TTLL10: variants seen among roughly 807,000 people sequenced by gnomAD.
TTLL10 encodes inactive polyglycylase TTLL10.
TTLL10 carries 61 observed loss-of-function variants against 69.0 expected under a neutral mutation model. The ratio of observed to expected loss-of-function variants is 0.88; its 90% CI spans 0.72 to 1.09. The LOEUF (loss-of-function observed/expected upper bound fraction) is 1.09. Among genes scored for constraint, TTLL10 ranks in the 50% least tolerant of loss-of-function variants. The pLI is 0.00. For missense variants in TTLL10, 962 were observed against 945.9 expected (o/e 1.02, Z -0.22); for synonymous variants, 408 against 393.3 (o/e 1.04, Z -0.44).
In TTLL10 at chr1:1,180,478, C is replaced by T. The variant is rs762255994; in HGVS notation, c.507-5C>T. On this transcript the variant is annotated splice_region_variant and splice_polypyrimidine_tract_variant and intron_variant, in intron 6 of 15. Transcript: ENST00000379289. The stretch of plus-strand genomic sequence containing the variant: ...CCAGGTCACCCCCGCCCCCACCCCT[C>T]GCAGCATCAGCTCCTACTGCAAAAG... 6 of 1,548,956 alleles carry T rather than the reference C, an allele frequency of 3.9e-6. No homozygotes were observed. Among genetic ancestry groups the T allele is most frequent in the Middle Eastern group, 2.0e-4 (1 of 5,104 alleles).
At chr1:1,188,635 C>T (rs185401470) in intron 13 of TTLL10, among the ~76,000 whole-genome samples, 21 of 152,238 alleles carry the variant, frequency 1.4e-4, no homozygotes, top group African/African-American at 4.8e-4. Context: ...GAACTCCTGA[C>T]CTCAGGCGAT....
At position 1,179,471 on chromosome 1, in the gene TTLL10, C is replaced by T. The variant is rs1050025785; in HGVS notation, c.118+138C>T. 16 of 1,251,650 alleles carry T rather than the reference C, an allele frequency of 1.3e-5. 1 individual carries two copies. Among genetic ancestry groups the T allele is most frequent in the South Asian group, 6.9e-5 (5 of 72,852 alleles). The allele number at this position is 1,251,650 out of a possible 1,614,324, so 77.5% of individuals were successfully genotyped here. A position where few individuals can be genotyped will look rare whatever the true frequency, so the allele number is the denominator to read the frequency against. On this transcript the variant is annotated intron_variant, in intron 4 of 15. Transcript: ENST00000379289. ...CACACATGGCCATGCCCCGCTGCTC[C>T]GAGAGAGGGGCCAGCTGTGGGCGCC...
Position 1,180,332 on chromosome 1 carries a change from G to C in TTLL10, c.498G>C (p.Gly166=). Reference sequence around the variant, plus strand: ...TCTTCTACATTGGAGGCAGCAACGGGGCCACAATGTGAGTAGCGGCCCTGG... The same window carrying C: ...TCTTCTACATTGGAGGCAGCAACGGCGCCACAATGTGAGTAGCGGCCCTGG... ...GPFFYIGGSN[G]ATIISSYCKS... is the part of the protein sequence containing the mutation. Residue 166 remains glycine, a synonymous_variant, in exon 6 of 16, where the codon GGG becomes GGC. Transcript: ENST00000379289. The C allele has an allele frequency of 6.4e-7, 1 of 1,572,114 alleles. No individual in the cohort carries two copies. The highest frequency in any genetic ancestry group is 8.6e-7 in the Non-Finnish European group (1 of 1,159,254).
At chr1:1,196,441 AC>A (rs750951959) in intron 13 of TTLL10, 158 bp from the exon 14 acceptor site, 2 of 620,228 alleles carry the variant, frequency 3.2e-6, no homozygotes, top group Non-Finnish European at 3.0e-6. Flanking sequence ...CTGGCTGTGA[AC>A]CTGTGAGGCT....
At chr1:1,195,873 C>T (rs1305394012) in intron 13 of TTLL10, among the ~76,000 whole-genome samples, 1 of 152,168 alleles carries the variant, frequency 6.6e-6, no homozygotes, top group African/African-American at 2.4e-5. Flanking sequence ...GACTCCTGAG[C>T]TCAAGCGATC....
rs777450285 is a variant in TTLL10, at chr1:1,179,690, C to T, written c.152C>T (p.Pro51Leu). The stretch of plus-strand genomic sequence containing the variant: ...CCTGCGTCACGTCTGCACCCAGCAC[C>T]GGCCTCACAGCCCGGCCCCTGCCCT... ...TIPASRLHPA[P>L]ASQPGPCPAP... The change falls in exon 5 of 16, where the codon CCG becomes CTG. Residue 51 changes from proline (P) to leucine (L), a missense_variant. Physicochemically the swap from Pro to Leu is moderately conservative, Grantham distance 98. Coordinates refer to ENST00000379289, the MANE Select transcript of TTLL10 (RefSeq NM_001130045.2). 2.6e-5 allele frequency: 41 copies of T among 1,550,816 alleles called. No individual in the cohort carries two copies. Among genetic ancestry groups the T allele is most frequent in the Non-Finnish European group, 3.4e-5 (39 of 1,146,838 alleles).
Position 1,197,335 on chromosome 1 carries a change from C to T in TTLL10, c.1613-103C>T. On this transcript the variant is annotated intron_variant, in intron 15 of 15. Transcript: ENST00000379289. ...CAGCGCCGCCCCCTGCCCCAACCTT[C>T]CCCACACCTCAGCTCACCTGGGTCC... The T allele has an allele frequency of 4.1e-6, 5 of 1,227,940 alleles. No individual in the cohort carries two copies. In the South Asian group the frequency reaches 7.1e-5, roughly 18 times the overall value. The allele number at this position is 1,227,940 out of a possible 1,614,324, so 76.1% of individuals were successfully genotyped here.
chr1:1,182,509 G>T, intron 10 of TTLL10, 63 bp downstream of exon 10: 1 of 1,553,880 alleles, frequency 6.4e-7, no homozygotes, highest in South Asian at 1.1e-5. Flanking sequence ...GCTGGACCAA[G>T]GCGGGGGCTG....
In TTLL10 at chr1:1,180,343, G is replaced by A. The variant is rs1171600365; in HGVS notation, c.506+3G>A. On this transcript the variant is annotated splice_donor_region_variant and intron_variant, in intron 6 of 15. Coordinates refer to ENST00000379289, the MANE Select transcript of TTLL10 (RefSeq NM_001130045.2). ...GGAGGCAGCAACGGGGCCACAATGT[G>A]AGTAGCGGCCCTGGGCGCCCGTGGT... 2 of 1,561,976 alleles carry A rather than the reference G, an allele frequency of 1.3e-6. No homozygotes were observed. Among genetic ancestry groups the A allele is most frequent in the South Asian group, 1.2e-5 (1 of 84,914 alleles).
At chr1:1,179,475 A>G (rs1322400282) in intron 4 of TTLL10, 142 bp downstream of exon 4, 6 of 1,260,274 alleles carry the variant, frequency 4.8e-6, no homozygotes, top group South Asian at 2.8e-5. Flanking sequence ...CTGCTCCGAG[A>G]GAGGGGCCAG....
intron 1 of TTLL10, 119 bp from the exon 2 acceptor site, chr1:1,174,166 G>A (rs1646814221): frequency 6.6e-6 from 1 of 152,336 alleles, no homozygotes; most frequent in African/African-American, 2.4e-5. Context: ...GTACCCGGTG[G>A]GGTGGGAGGG....
chr1:1,178,867 C>T (rs183112567), intron 3 of TTLL10, among the ~76,000 whole-genome samples: 157 of 152,308 alleles, frequency 1.0e-3, no homozygotes, highest in African/African-American at 3.3e-3. Flanking sequence ...TTCAGGCAGG[C>T]GCCCCACCCA....
chr1:1,197,267 C>A, intron 15 of TTLL10, 81 bp downstream of exon 15: 1 of 1,391,018 alleles, frequency 7.2e-7, no homozygotes, highest in South Asian at 1.2e-5. Context: ...CAAGTTCAGA[C>A]CCCCACAGAT....
At chr1:1,182,244 G>A (rs905246666) in intron 9 of TTLL10, 117 bp from the exon 10 acceptor site, 6 of 861,884 alleles carry the variant, frequency 7.0e-6, no homozygotes, top group Middle Eastern at 2.2e-4. Context: ...ACGGCCGCGG[G>A]CGCCAGGTGC....
chr1:1,183,180 C>T (rs113531911), intron 11 of TTLL10, 133 bp downstream of exon 11: 24,365 of 1,134,718 alleles, frequency 0.021, 347 homozygotes, highest in Non-Finnish European at 0.024. Context: ...GTGCAGACCA[C>T]AGCCGGGCCC....
rs923585636 is a variant in TTLL10, at chr1:1,181,968, G to A, written c.830+153G>A. 2.0e-5 allele frequency among the ~76,000 whole-genome samples: 3 copies of A among 151,778 alleles called. No homozygotes were observed. The highest frequency in any genetic ancestry group is 1.9e-4 in the East Asian group (1 of 5,162). On this transcript the variant is annotated intron_variant, in intron 9 of 15. Coordinates refer to ENST00000379289, the MANE Select transcript of TTLL10 (RefSeq NM_001130045.2). This position sits in a 1 kb window ranked among gnomAD's most constrained non-coding sequence, Gnocchi z 4.6. Reference sequence around the variant, plus strand: ...TCAGCCAGGCCAGGCCGAGATCCACGCTGACCCCCCAGTGCACACAGAGCT... The same window carrying A: ...TCAGCCAGGCCAGGCCGAGATCCACACTGACCCCCCAGTGCACACAGAGCT...
intron 13 of TTLL10, among the ~76,000 whole-genome samples, chr1:1,188,854 T>G (rs1647539918): frequency 1.3e-5 from 2 of 152,384 alleles, no homozygotes; most frequent in South Asian, 4.1e-4. Context: ...TTTTCTAGTT[T>G]TCAGCATACA....
At position 1,197,613 on chromosome 1, in the gene TTLL10, C is replaced by T. The variant is rs1182713781; in HGVS notation, c.1788C>T (p.Ser596=). The change falls in exon 16 of 16, where the codon TCC becomes TCT. Residue 596 remains serine (S), a synonymous_variant. Coordinates refer to ENST00000379289, the MANE Select transcript of TTLL10 (RefSeq NM_001130045.2). ...PPLPTRQAKS[S]GPPMPHAPDQ... Reference sequence around the variant, plus strand: ...TGCCCACCCGCCAGGCCAAGTCCTCCGGGCCACCCATGCCGCATGCCCCAG... The same window carrying T: ...TGCCCACCCGCCAGGCCAAGTCCTCTGGGCCACCCATGCCGCATGCCCCAG... 32 of 1,514,642 alleles carry T rather than the reference C, an allele frequency of 2.1e-5. No individual in the cohort carries two copies. Among genetic ancestry groups the T allele is most frequent in the Admixed American group, 1.5e-4 (7 of 47,716 alleles). The allele number at this position is 1,514,642 out of a possible 1,614,324, so 93.8% of individuals were successfully genotyped here.
chr1:1,185,788 C>G lies in TTLL10; in HGVS notation c.1401+679C>G, dbSNP rs551032203. 10 of 985,468 alleles carry G rather than the reference C, an allele frequency of 1.0e-5. No individual in the cohort carries two copies. The East Asian group carries it at 6.8e-4, about 67-fold the overall frequency. The allele number at this position is 985,468 out of a possible 1,614,324, so 61.0% of individuals were successfully genotyped here. On this transcript the variant is annotated intron_variant, in intron 13 of 15. Transcript: ENST00000379289. This position sits in a 1 kb window ranked among gnomAD's most constrained non-coding sequence, Gnocchi z 6.1. ...GGGACGGCAGCGCTCAGAGGAGCCT[C>G]CAGTTACTTTCCTCACATCTCCCAA...
Sources: allele counts gnomAD v4.1 joint callset (sites outside exome capture counted in the v4.1 genomes callset), GRCh38; gene constraint gnomAD v4.1.1; non-coding constraint Gnocchi (gnomAD v3.1); transcripts MANE v1.5; gene names NCBI Gene and HGNC (gene_info 2026-07-23, HGNC 2026-07-21).